The following PARD3 variants were observed in gnomAD, a reference collection of about 807,000 sequenced individuals.
PARD3 encodes the protein par-3 family cell polarity regulator.
PARD3 carries 75 observed loss-of-function variants against 155.4 expected under a neutral mutation model. The ratio of observed to expected loss-of-function variants is 0.48; its 90% CI spans 0.40 to 0.58. The LOEUF is 0.58. Ranked by LOEUF, PARD3 falls within the 20% of genes least tolerant of loss-of-function variation. PARD3 has a pLI of 0.00. For synonymous variants in PARD3, 576 were observed against 610.5 expected, an observed-to-expected ratio of 0.94 and a Z score of 0.83; for missense variants, 1,642 against 1,721.7, an observed-to-expected ratio of 0.95 and a Z score of 0.82.
At chr10:34,385,056 A>G (rs565883514) in intron 7 of PARD3, among the ~76,000 whole-genome samples, 1 of 152,328 alleles carries the variant, frequency 6.6e-6, no homozygotes, top group East Asian at 1.9e-4. Context: ...ACAAATAAGA[A>G]ATACTTCTTT....
intron 20 of PARD3, among the ~76,000 whole-genome samples, chr10:34,306,187 G>A (rs999262634): frequency 6.9e-6 from 1 of 145,384 alleles, no homozygotes; most frequent in African/African-American, 2.4e-5. Flanking sequence ...GGGAGGCTGA[G>A]GGAAAACTGA....
intron 22 of PARD3, among the ~76,000 whole-genome samples, chr10:34,141,842 C>T (rs1408819557): frequency 6.6e-6 from 1 of 152,122 alleles, no homozygotes; most frequent in Non-Finnish European, 1.5e-5. Flanking sequence ...CTGATCTTAC[C>T]TAGTGTCACA....
chr10:34,688,974 G>A (rs190575581), intron 2 of PARD3, among the ~76,000 whole-genome samples: 15 of 152,172 alleles, frequency 9.9e-5, no homozygotes, highest in Non-Finnish European at 2.1e-4. Context: ...GTAACTTAGT[G>A]AGCCTAAATA....
intron 2 of PARD3, among the ~76,000 whole-genome samples, chr10:34,668,443 T>A (rs1189554668): frequency 6.6e-6 from 1 of 152,178 alleles, no homozygotes; most frequent in Non-Finnish European, 1.5e-5. Flanking sequence ...TAGGAGTCAG[T>A]CATCTATCAC....
At chr10:34,318,181 GAAC>G (rs1184782696) in intron 19 of PARD3, among the ~76,000 whole-genome samples, 1 of 152,176 alleles carries the variant, frequency 6.6e-6, no homozygotes, top group African/African-American at 2.4e-5. Flanking sequence ...GCAGTTGAAA[GAAC>G]GACAAGTAAC....
intron 2 of PARD3, among the ~76,000 whole-genome samples, chr10:34,638,182 G>A (rs1428741794): frequency 2.0e-5 from 3 of 152,118 alleles, no homozygotes; most frequent in African/African-American, 4.8e-5. Flanking sequence ...TCACAGCAAG[G>A]AAAGAAATAC....
Position 34,112,560 on chromosome 10 carries a change from T to C in PARD3, c.3669-998A>G, listed in dbSNP as rs187231491. Among the ~76,000 whole-genome samples, 71 of 152,266 alleles carry C rather than the reference T, an allele frequency of 4.7e-4. 1 individual carries two copies. Among genetic ancestry groups the C allele is most frequent in the African/African-American group, 1.7e-3 (69 of 41,534 alleles). On this transcript the variant is annotated intron_variant, in intron 24 of 24. Transcript: ENST00000374788. ...GAGACAATTGAGTAATAAAACAAAG[T>C]ATATTGCTCCATTTATCAATAAGAA...
At chr10:34,589,254 C>T (rs544608425) in intron 2 of PARD3, among the ~76,000 whole-genome samples, 3 of 152,240 alleles carry the variant, frequency 2.0e-5, no homozygotes, top group African/African-American at 2.4e-5. Flanking sequence ...ATCAAGAGCT[C>T]CCCACAATCA....
chr10:34,573,915 T>C (rs2086676370), intron 2 of PARD3, among the ~76,000 whole-genome samples: 1 of 152,292 alleles, frequency 6.6e-6, no homozygotes, highest in South Asian at 2.1e-4. Context: ...TGTTTTGACA[T>C]TGTGAAGGCA....
At chr10:34,294,769 G>A (rs1441027) in intron 20 of PARD3, among the ~76,000 whole-genome samples, 74,326 of 151,970 alleles carry the variant, frequency 0.49, 18,269 homozygotes, top group Middle Eastern at 0.6. Flanking sequence ...GATTCCCACA[G>A]AGGGAGCAGG....
At chr10:34,621,183 T>TTTTTTG (rs1295058122) in intron 2 of PARD3, among the ~76,000 whole-genome samples, 1 of 152,092 alleles carries the variant, frequency 6.6e-6, no homozygotes, top group Non-Finnish European at 1.5e-5. Flanking sequence ...TTGTTGTTTG[T>TTTTTTG]TTTTTGTTTT....
intron 2 of PARD3, among the ~76,000 whole-genome samples, chr10:34,681,407 G>C (rs371720513): frequency 6.6e-6 from 1 of 151,890 alleles, no homozygotes; most frequent in East Asian, 1.9e-4. Flanking sequence ...TTTGGGGAGG[G>C]AGAGAAAGTT....
At chr10:34,154,862 A>C (rs576768038) in intron 22 of PARD3, among the ~76,000 whole-genome samples, 18 of 152,308 alleles carry the variant, frequency 1.2e-4, no homozygotes, top group Admixed American at 9.2e-4. Flanking sequence ...GAACTACTAT[A>C]AACATATTTT....
chr10:34,386,762 C>T (rs1477627315), intron 7 of PARD3, among the ~76,000 whole-genome samples: 1 of 148,198 alleles, frequency 6.7e-6, no homozygotes, highest in East Asian at 2.0e-4. Context: ...GCAGAGGTTG[C>T]GGTGAGCCGA....
rs1366663957 is a variant in PARD3, at chr10:34,159,548, A to G, written c.3420-27965T>C. ...TGGGAGATAGGATAATCTGAATAGC[A>G]AATGTTCCAACTTCTAACATCTAGG... On this transcript the variant is annotated intron_variant, in intron 22 of 24. Coordinates refer to ENST00000374788, the MANE Select transcript of PARD3 (RefSeq NM_001184785.2). 3.9e-5 allele frequency among the ~76,000 whole-genome samples: 6 copies of G among 152,364 alleles called. No individual in the cohort carries two copies. The East Asian group carries it at 1.2e-3, about 29-fold the overall frequency.
At position 34,777,005 on chromosome 10, in the gene PARD3, T is replaced by A. The variant is rs1490454537; in HGVS notation, c.120+37871A>T. On this transcript the variant is annotated intron_variant, in intron 1 of 24. Transcript: ENST00000374788. ...GCATGTGCCACCATGTCTGGCTAATTTTTTTTTTTTTTTTTTTTTGTATCT... is the reference window on the plus strand; with the variant it reads ...GCATGTGCCACCATGTCTGGCTAATATTTTTTTTTTTTTTTTTTTGTATCT... 4.2e-5 allele frequency among the ~76,000 whole-genome samples: 6 copies of A among 141,882 alleles called. No individual in the cohort carries two copies. In the South Asian group the frequency reaches 1.2e-3, roughly 27 times the overall value. The allele number at this position is 141,882 out of a possible 152,430, so 93.1% of individuals were successfully genotyped here.
At chr10:34,677,479 C>CAA (rs978427726) in intron 2 of PARD3, among the ~76,000 whole-genome samples, 1 of 109,522 alleles carries the variant, frequency 9.1e-6, no homozygotes, top group South Asian at 2.9e-4. Context: ...GACTCTGTCT[C>CAA]AAAAAAAAAA....
intron 19 of PARD3, among the ~76,000 whole-genome samples, chr10:34,321,560 G>GTGAT (rs1283429077): frequency 6.6e-6 from 1 of 152,132 alleles, no homozygotes; most frequent in Non-Finnish European, 1.5e-5. Context: ...ATGTTTCCAT[G>GTGAT]TGATTACCTA....
intron 4 of PARD3, among the ~76,000 whole-genome samples, chr10:34,458,562 C>G (rs1450866329): frequency 6.6e-6 from 1 of 152,126 alleles, no homozygotes; most frequent in Non-Finnish European, 1.5e-5. Context: ...CTGTAGTGAG[C>G]AACAGCTGGA....
Sources: allele counts gnomAD v4.1 joint callset (sites outside exome capture counted in the v4.1 genomes callset), GRCh38; gene constraint gnomAD v4.1.1; transcripts MANE v1.5; gene names NCBI Gene and HGNC (gene_info 2026-07-23, HGNC 2026-07-21).